MYO10: variants seen among roughly 807,000 people sequenced by gnomAD.
MYO10 encodes the protein unconventional myosin-X.
In MYO10, 133 loss-of-function variants were observed where a neutral mutation model predicts 257.3. That is an observed-to-expected ratio of 0.52 (90% CI 0.45 to 0.60). The LOEUF (loss-of-function observed/expected upper bound fraction) is 0.60, where lower values mean the gene tolerates loss of function less well. Among genes scored for constraint, MYO10 ranks in the 20% least tolerant of loss-of-function variants. The pLI, the probability that MYO10 is intolerant of heterozygous loss-of-function variation, is 0.00. For synonymous variants in MYO10, 1,104 were observed against 1,028.6 expected (o/e 1.07, Z -1.40); for missense variants, 2,399 against 2,635.7 (o/e 0.91, Z 1.97).
At chr5:16,731,628 C>T (rs894934985) in intron 19 of MYO10, among the ~76,000 whole-genome samples, 1 of 152,228 alleles carries the variant, frequency 6.6e-6, no homozygotes, top group Non-Finnish European at 1.5e-5. Context: ...GGATTACAGG[C>T]GTGAGCCACC....
intron 23 of MYO10, 140 bp downstream of exon 23, chr5:16,702,785 A>G (rs1738143550): frequency 2.1e-6 from 2 of 948,044 alleles, no homozygotes; most frequent in South Asian, 3.5e-5. Context: ...AAGGAATTTT[A>G]TATTCTAGCC....
intron 19 of MYO10, among the ~76,000 whole-genome samples, chr5:16,740,313 C>T (rs558834080): frequency 6.9e-4 from 105 of 151,762 alleles, no homozygotes; most frequent in African/African-American, 1.9e-3. Flanking sequence ...GGGGGCTGCC[C>T]GTGAAAACGT....
intron 2 of MYO10, among the ~76,000 whole-genome samples, chr5:16,871,747 A>G (rs1451239353): frequency 6.6e-6 from 1 of 152,168 alleles, no homozygotes; most frequent in African/African-American, 2.4e-5. Context: ...AGAGGGGAAG[A>G]CTATGTAGGT....
chr5:16,864,121 C>T (rs1375878511), intron 2 of MYO10, among the ~76,000 whole-genome samples: 1 of 151,708 alleles, frequency 6.6e-6, no homozygotes, highest in African/African-American at 2.4e-5. Context: ...ACAAAAACTC[C>T]CACCATGATT....
intron 19 of MYO10, among the ~76,000 whole-genome samples, chr5:16,725,618 C>G (rs1739333587): frequency 6.6e-6 from 1 of 152,158 alleles, no homozygotes; most frequent in South Asian, 2.1e-4. Flanking sequence ...AATATTTCCA[C>G]AACACTCTAC....
chr5:16,686,559 G>A (rs1030643390), intron 28 of MYO10, among the ~76,000 whole-genome samples: 2 of 151,608 alleles, frequency 1.3e-5, no homozygotes, highest in African/African-American at 4.8e-5. Context: ...TTTATGAGAT[G>A]GAATGTGTCT....
chr5:16,846,068 C>T (rs1449849562), intron 2 of MYO10, among the ~76,000 whole-genome samples: 1 of 152,126 alleles, frequency 6.6e-6, no homozygotes, highest in Non-Finnish European at 1.5e-5. Context: ...TTCCCAGATG[C>T]TCAAATCCAA....
At chr5:16,746,998 T>C (rs925048857) in intron 19 of MYO10, among the ~76,000 whole-genome samples, 1 of 152,186 alleles carries the variant, frequency 6.6e-6, no homozygotes, top group African/African-American at 2.4e-5. Context: ...CCCTGCCCAA[T>C]TGTGGCAGAT....
intron 2 of MYO10, among the ~76,000 whole-genome samples, chr5:16,823,459 GGA>G: frequency 5.9e-5 from 1 of 17,020 alleles, no homozygotes; most frequent in Non-Finnish European, 1.7e-4. Flanking sequence ...GGGGGGGGGG[GGA>G]GTGGGGATTT....
At chr5:16,875,410 A>C (rs1031665194) in intron 2 of MYO10, among the ~76,000 whole-genome samples, 7 of 152,078 alleles carry the variant, frequency 4.6e-5, no homozygotes, top group African/African-American at 1.7e-4. Flanking sequence ...CCTGATACTA[A>C]AGTTGAGCAA....
Position 16,670,879 on chromosome 5 carries a change from G to C in MYO10, c.5530C>G (p.Leu1844Val), listed in dbSNP as rs185125645. 2.7e-4 allele frequency: 429 copies of C among 1,614,004 alleles called. 3 individuals carry two copies. In the African/African-American group the frequency reaches 5.0e-3, roughly 19 times the overall value. The change falls in exon 39 of 41, where the codon CTG becomes GTG. Residue 1844 changes from leucine to valine, a missense_variant. This residue lies in a region of MYO10 where 1,820 missense variants were observed against 1,939.4 expected (regional missense o/e 0.94). Transcript: ENST00000513610. ...TCGAGAGGTGGGATGGCAGCGTGCA[G>C]AGTATAATCCCCCTGCAGATACTGG... is the stretch of plus-strand genomic sequence containing the variant. ...RLQYLQGDYTLHAAIPPLEEV... is the reference protein window; with the variant it reads ...RLQYLQGDYTVHAAIPPLEEV...
rs777482968 is a variant in MYO10, at chr5:16,704,680, A to G, written c.2175T>C (p.Phe725=). ...SEWQLGKTKV[F]LRESLEQKLE... ...GTTTCTGTTCCAAGGATTCTCGAAG[A>G]AAGACCTGCTCAGGACGGAGTCACA... Residue 725 remains phenylalanine, a synonymous_variant, in exon 22 of 41, where the codon TTT becomes TTC. Transcript: ENST00000513610. 8.1e-6 allele frequency: 13 copies of G among 1,613,554 alleles called. No homozygotes were observed. In the Admixed American group the frequency reaches 2.2e-4, roughly 27 times the overall value.
At chr5:16,769,493 C>T (rs1469905685) in intron 9 of MYO10, among the ~76,000 whole-genome samples, 1 of 152,122 alleles carries the variant, frequency 6.6e-6, no homozygotes, top group Non-Finnish European at 1.5e-5. Context: ...TGCCACCATG[C>T]CTAGCTAATT....
At position 16,764,394 on chromosome 5, in the gene MYO10, T is replaced by C. The variant is rs765131784; in HGVS notation, c.1182A>G (p.Ala394=). Residue 394 remains alanine (A), a splice_region_variant and synonymous_variant, in exon 12 of 41, where the codon GCA becomes GCG. Coordinates refer to ENST00000513610, the MANE Select transcript of MYO10 (RefSeq NM_012334.3). Reference sequence around the variant, plus strand: ...TGGCCAGGGAGTCCCTGCTGTCTACTGCCTGTGGGAGAGAAACCAGCACAG... The same window carrying C: ...TGGCCAGGGAGTCCCTGCTGTCTACCGCCTGTGGGAGAGAAACCAGCACAG... ...EILTPLNVQQ[A]VDSRDSLAMA... 1.2e-6 allele frequency: 2 copies of C among 1,613,716 alleles called. No homozygotes were observed. Among genetic ancestry groups the C allele is most frequent in the South Asian group, 1.1e-5 (1 of 91,004 alleles).
intron 6 of MYO10, among the ~76,000 whole-genome samples, chr5:16,781,290 G>C (rs759391773): frequency 6.6e-6 from 1 of 151,864 alleles, no homozygotes; most frequent in African/African-American, 2.4e-5. Context: ...ATGTTGGCCG[G>C]GCTGGTCTCA....
chr5:16,834,755 C>T (rs546666221), intron 2 of MYO10, among the ~76,000 whole-genome samples: 2 of 152,316 alleles, frequency 1.3e-5, no homozygotes, highest in South Asian at 4.1e-4. Context: ...AGGACATATT[C>T]AAACCAAATA....
chr5:16,791,723 A>C (rs985687277), intron 4 of MYO10, among the ~76,000 whole-genome samples: 1 of 152,210 alleles, frequency 6.6e-6, no homozygotes, highest in Non-Finnish European at 1.5e-5. Context: ...GTGGACACCA[A>C]CTTGATCTGT....
intron 2 of MYO10, among the ~76,000 whole-genome samples, chr5:16,823,649 A>AT (rs1307962223): frequency 1.3e-5 from 2 of 149,076 alleles, no homozygotes; most frequent in East Asian, 4.0e-4. Flanking sequence ...TTTTTTTTGT[A>AT]TTTTTAGTAG....
At chr5:16,919,979 C>A (rs1375794385) in intron 1 of MYO10, among the ~76,000 whole-genome samples, 1 of 152,194 alleles carries the variant, frequency 6.6e-6, no homozygotes, top group Non-Finnish European at 1.5e-5. Flanking sequence ...GACATGGTGA[C>A]ACATGCCTGT....
Sources: allele counts gnomAD v4.1 joint callset (sites outside exome capture counted in the v4.1 genomes callset), GRCh38; gene constraint gnomAD v4.1.1; regional missense constraint gnomAD v4.1.1; transcripts MANE v1.5; gene names NCBI Gene and HGNC (gene_info 2026-07-23, HGNC 2026-07-21).